HMCN1: variants seen among roughly 807,000 people sequenced by gnomAD.
The protein encoded by HMCN1 is hemicentin 1.
HMCN1 carries 321 observed loss-of-function variants against 625.9 expected under a neutral mutation model. That is an observed-to-expected ratio of 0.51 (90% CI 0.47 to 0.56). The LOEUF (loss-of-function observed/expected upper bound fraction) is 0.56, where lower values mean the gene tolerates loss of function less well. Ranked by LOEUF, HMCN1 falls within the 20% of genes least tolerant of loss-of-function variation. The pLI is 0.00. For missense variants in HMCN1, 6,588 were observed against 6,887.3 expected, an observed-to-expected ratio of 0.96 and a Z score of 1.54; for synonymous variants, 2,425 against 2,417.6, an observed-to-expected ratio of 1.00 and a Z score of -0.09.
At chr1:185,983,613 T>A (rs191849565) in intron 18 of HMCN1, among the ~76,000 whole-genome samples, 1 of 152,218 alleles carries the variant, frequency 6.6e-6, no homozygotes, top group East Asian at 1.9e-4. Flanking sequence ...TGATACAGAT[T>A]TAGAGGTGAT....
intron 11 of HMCN1, among the ~76,000 whole-genome samples, chr1:185,943,659 C>G (rs918558412): frequency 6.6e-6 from 1 of 152,278 alleles, no homozygotes; most frequent in African/African-American, 2.4e-5. Flanking sequence ...AGCCCAGAAG[C>G]TCTCTGAAGC....
chr1:185,914,018 T>C (rs983195152), intron 6 of HMCN1, among the ~76,000 whole-genome samples: 2 of 152,158 alleles, frequency 1.3e-5, no homozygotes, highest in Admixed American at 6.6e-5. Context: ...ATTATTATTT[T>C]ATCTTAAATG....
At chr1:186,125,578 A>T (rs775224595) in intron 81 of HMCN1, 26 bp from the exon 82 acceptor site, 4 of 1,566,152 alleles carry the variant, frequency 2.6e-6, no homozygotes, top group Non-Finnish European at 3.5e-6. Context: ...AGCTTCCTGG[A>T]TGACTCTTTT....
chr1:185,904,179 G>C (rs1665967319), intron 4 of HMCN1, among the ~76,000 whole-genome samples: 1 of 151,726 alleles, frequency 6.6e-6, no homozygotes, highest in South Asian at 2.1e-4. Flanking sequence ...TAAATGCTTA[G>C]TGACTTCTAA....
At chr1:186,069,988 A>G (rs1436494416) in intron 51 of HMCN1, among the ~76,000 whole-genome samples, 1 of 151,928 alleles carries the variant, frequency 6.6e-6, no homozygotes, top group African/African-American at 2.4e-5. Flanking sequence ...TCTGCTCATT[A>G]CTCTCTGTTG....
chr1:185,802,584 A>G (rs1658871492), intron 1 of HMCN1, among the ~76,000 whole-genome samples: 1 of 152,148 alleles, frequency 6.6e-6, no homozygotes, highest in South Asian at 2.1e-4. Context: ...GAAAACCAGG[A>G]CAATGTTATA....
At chr1:185,981,733 T>C (rs950266302) in intron 17 of HMCN1, among the ~76,000 whole-genome samples, 8 of 152,154 alleles carry the variant, frequency 5.3e-5, no homozygotes, top group African/African-American at 1.7e-4. Flanking sequence ...GATTTTACTT[T>C]ATGTTAAATT....
At chr1:186,113,911 T>A (rs1419230603) in intron 72 of HMCN1, 68 bp from the exon 73 acceptor site, 8 of 1,535,852 alleles carry the variant, frequency 5.2e-6, no homozygotes, top group Non-Finnish European at 7.2e-6. Flanking sequence ...ATATTACATC[T>A]TCAGGGTCTT....
intron 11 of HMCN1, among the ~76,000 whole-genome samples, chr1:185,946,229 G>T (rs1286128512): frequency 6.6e-6 from 1 of 152,104 alleles, no homozygotes; most frequent in African/African-American, 2.4e-5. Flanking sequence ...ATACGTTAAA[G>T]GCTAGATTTT....
At chr1:185,888,394 C>T (rs1314085456) in intron 4 of HMCN1, among the ~76,000 whole-genome samples, 2 of 144,696 alleles carry the variant, frequency 1.4e-5, no homozygotes, top group Admixed American at 6.6e-5. Flanking sequence ...ATGCGTATGT[C>T]CTGAATGGTA....
chr1:186,028,580 C>T (rs932075878), intron 36 of HMCN1, among the ~76,000 whole-genome samples: 1 of 152,106 alleles, frequency 6.6e-6, no homozygotes, highest in South Asian at 2.1e-4. Flanking sequence ...AACAATCCCC[C>T]CAAGAATCAG....
rs1650206611 is a variant in HMCN1 at position 185,963,833 on chromosome 1, A to G, written c.2036A>G (p.Tyr679Cys). Residue 679 changes from tyrosine (Y) to cysteine (C), a missense_variant, in exon 13 of 107, where the codon TAT (tyrosine) becomes TGT (cysteine). By Grantham distance (194) the Tyr-to-Cys change is radical. Around this residue, in one of 3 missense-constraint regions of HMCN1, gnomAD observed 4,628 missense variants for 4,853.1 expected, o/e 0.95. Transcript: ENST00000271588. ...GCAGCTCCCAAAGATGCAGGGATCT[A>G]TGGTTGCCTAGCAAGTAATTCAGCT... ...KNAAPKDAGI[Y>C]GCLASNSAGT... 1 of 1,608,868 alleles carries G rather than the reference A, an allele frequency of 6.2e-7. No individual in the cohort carries two copies. Among genetic ancestry groups the G allele is most frequent in the African/African-American group, 1.3e-5 (1 of 74,796 alleles).
chr1:185,831,685 A>G (rs1660870238), intron 1 of HMCN1, among the ~76,000 whole-genome samples: 1 of 152,226 alleles, frequency 6.6e-6, no homozygotes, highest in Non-Finnish European at 1.5e-5. Flanking sequence ...AAAAATCAAT[A>G]GCTTTTATAT....
intron 2 of HMCN1, among the ~76,000 whole-genome samples, chr1:185,854,168 C>T (rs938023558): frequency 5.3e-5 from 8 of 152,256 alleles, no homozygotes; most frequent in Middle Eastern, 3.4e-3. Flanking sequence ...GAGTTGCTAG[C>T]AGCTGCAGCT....
At chr1:185,894,105 A>G (rs1275659511) in intron 4 of HMCN1, among the ~76,000 whole-genome samples, 3 of 152,106 alleles carry the variant, frequency 2.0e-5, no homozygotes, top group Non-Finnish European at 4.4e-5. Context: ...ACTGCACTCT[A>G]TCCTGGGCTA....
At chr1:185,897,925 T>C (rs1245476146) in intron 4 of HMCN1, among the ~76,000 whole-genome samples, 2 of 152,170 alleles carry the variant, frequency 1.3e-5, no homozygotes, top group Non-Finnish European at 2.9e-5. Context: ...GGAAACTAAT[T>C]ACCTATCCAC....
intron 16 of HMCN1, among the ~76,000 whole-genome samples, chr1:185,980,372 C>T (rs2101997160): frequency 6.6e-6 from 1 of 152,260 alleles, no homozygotes; most frequent in South Asian, 2.1e-4. Context: ...TGTCTTTCTT[C>T]TGCACATACA....
At chr1:185,933,509 C>T (rs1484754622) in intron 10 of HMCN1, 40 bp from the exon 11 acceptor site, 3 of 1,611,704 alleles carry the variant, frequency 1.9e-6, no homozygotes, top group South Asian at 2.2e-5. Context: ...AGCAAAATGG[C>T]TTTTAGGTCT....
At chr1:186,002,871 C>T (rs1191164913) in intron 28 of HMCN1, among the ~76,000 whole-genome samples, 2 of 152,114 alleles carry the variant, frequency 1.3e-5, no homozygotes, top group Non-Finnish European at 2.9e-5. Context: ...TCACTACTAC[C>T]TTCTCCCCAA....
Sources: allele counts gnomAD v4.1 joint callset (sites outside exome capture counted in the v4.1 genomes callset), GRCh38; gene constraint gnomAD v4.1.1; regional missense constraint gnomAD v4.1.1; transcripts MANE v1.5; gene names NCBI Gene and HGNC (gene_info 2026-07-23, HGNC 2026-07-21).